CHD7: variants seen among roughly 807,000 people sequenced by gnomAD.
CHD7 encodes chromodomain helicase DNA binding protein 7, also known as ATP-dependent chromatin remodeler CHD7.
A neutral mutation model predicts 307.3 loss-of-function variants in CHD7; 24 were observed. The ratio of observed to expected loss-of-function variants is 0.08; its 90% CI spans 0.06 to 0.11. CHD7 has a LOEUF of 0.11. Among genes scored for constraint, CHD7 ranks in the 10% least tolerant of loss-of-function variants. The probability of loss-of-function intolerance (pLI) is 1.00; values close to 1 mark genes in which losing one functional copy is unlikely to be tolerated. For synonymous variants in CHD7, 1,363 were observed against 1,349.9 expected (o/e 1.01, Z -0.21); for missense variants, 3,106 against 3,727.1 (o/e 0.83, Z 4.34).
In CHD7 at chr8:60,838,262, A is replaced by G; in HGVS notation, c.4533+7A>G. ...AGGTTCCACATTTGCTAAGGTGTGA[A>G]TCGATCTAAAGAGGCCAGGTTTTCC... On this transcript the variant is annotated splice_region_variant and intron_variant, in intron 19 of 37. Coordinates refer to ENST00000423902, the MANE Select transcript of CHD7 (RefSeq NM_017780.4). 1 of 1,597,136 alleles carries G rather than the reference A, an allele frequency of 6.3e-7. No individual in the cohort carries two copies. Among genetic ancestry groups the G allele is most frequent in the Non-Finnish European group, 8.5e-7 (1 of 1,171,500 alleles).
chr8:60,708,418 C>A (rs1039816690), intron 1 of CHD7, among the ~76,000 whole-genome samples: 7 of 152,166 alleles, frequency 4.6e-5, no homozygotes, highest in Non-Finnish European at 7.4e-5. Context: ...GTGTCTACTG[C>A]CTTCTCTTCT....
chr8:60,704,919 T>A (rs1275702044), intron 1 of CHD7, among the ~76,000 whole-genome samples: 1 of 152,174 alleles, frequency 6.6e-6, no homozygotes, highest in Non-Finnish European at 1.5e-5. Flanking sequence ...TAGTCCCTTG[T>A]GTAGTGAAGG....
intron 2 of CHD7, among the ~76,000 whole-genome samples, chr8:60,747,198 C>G (rs996341210): frequency 6.6e-6 from 1 of 152,044 alleles, no homozygotes; most frequent in Non-Finnish European, 1.5e-5. Context: ...TGCTCATACT[C>G]CCTAGTAGTT....
At chr8:60,837,978 T>C in intron 18 of CHD7, 98 bp from the exon 19 acceptor site, 1 of 1,259,168 alleles carries the variant, frequency 7.9e-7, no homozygotes. Context: ...TGTTATAATT[T>C]AGGTTTACTC....
At chr8:60,718,225 C>G (rs926076350) in intron 1 of CHD7, among the ~76,000 whole-genome samples, 2 of 152,116 alleles carry the variant, frequency 1.3e-5, no homozygotes. Flanking sequence ...ACCTGTAATC[C>G]CAGCACTTTG....
chr8:60,835,678 G>T (rs1586415430), intron 15 of CHD7, among the ~76,000 whole-genome samples: 1 of 152,260 alleles, frequency 6.6e-6, no homozygotes, highest in East Asian at 1.9e-4. Flanking sequence ...TTTGTTGTTT[G>T]TGTTTATGTT....
intron 1 of CHD7, among the ~76,000 whole-genome samples, chr8:60,714,170 GCGGGCCCCCCGGGGGGCGGGGCAT>G (rs1364408797): frequency 6.6e-6 from 1 of 151,912 alleles, no homozygotes; most frequent in African/African-American, 2.4e-5. Context: ...AGGACGGCGA[GCGGGCCCCCCGGGGGGCGGGGCAT>G]CCCCTGGGCC....
At chr8:60,758,945 G>A (rs1378432459) in intron 2 of CHD7, among the ~76,000 whole-genome samples, 1 of 152,192 alleles carries the variant, frequency 6.6e-6, no homozygotes, top group Non-Finnish European at 1.5e-5. Flanking sequence ...GCCATTGCAA[G>A]AATAACAATT....
intron 24 of CHD7, 121 bp downstream of exon 24, chr8:60,848,725 C>G: frequency 1.3e-6 from 1 of 777,156 alleles, no homozygotes; most frequent in Non-Finnish European, 2.2e-6. Context: ...TTTTTTGCAT[C>G]TTGAATGCAG....
intron 1 of CHD7, among the ~76,000 whole-genome samples, chr8:60,697,422 T>C (rs1806534964): frequency 6.6e-6 from 1 of 152,184 alleles, no homozygotes; most frequent in Non-Finnish European, 1.5e-5. Context: ...TCAAACATTA[T>C]TATATCTTCT....
chr8:60,718,062 G>C (rs1351684341), intron 1 of CHD7, among the ~76,000 whole-genome samples: 1 of 152,138 alleles, frequency 6.6e-6, no homozygotes, highest in Non-Finnish European at 1.5e-5. Context: ...TGCCTGTGAT[G>C]GCCTCCGAAG....
At chr8:60,759,012 C>T (rs780753985) in intron 2 of CHD7, among the ~76,000 whole-genome samples, 2 of 152,084 alleles carry the variant, frequency 1.3e-5, no homozygotes, top group Non-Finnish European at 1.5e-5. Flanking sequence ...ATGTAAATGT[C>T]AACACAGTGA....
At chr8:60,774,838 A>G (rs1458499822) in intron 2 of CHD7, among the ~76,000 whole-genome samples, 1 of 152,204 alleles carries the variant, frequency 6.6e-6, no homozygotes, top group African/African-American at 2.4e-5. Context: ...CAATCTGACT[A>G]TAGAAACACC....
chr8:60,861,159 C>G (rs765652558), intron 35 of CHD7, 34 bp downstream of exon 35: 18 of 1,497,272 alleles, frequency 1.2e-5, no homozygotes. Context: ...TGGAAGGAAT[C>G]TTGCAGGCCG....
intron 1 of CHD7, among the ~76,000 whole-genome samples, chr8:60,728,854 A>G (rs1808301225): frequency 6.6e-6 from 1 of 152,174 alleles, no homozygotes; most frequent in Non-Finnish European, 1.5e-5. Context: ...GTACATGTGA[A>G]GGTTTGTTAC....
At chr8:60,793,976 G>A (rs1440897695) in intron 3 of CHD7, among the ~76,000 whole-genome samples, 1 of 152,140 alleles carries the variant, frequency 6.6e-6, no homozygotes, top group Non-Finnish European at 1.5e-5. Flanking sequence ...TACAAAATTA[G>A]CTGGGCATGG....
chr8:60,807,568 C>G (rs192763171), intron 6 of CHD7, among the ~76,000 whole-genome samples: 7 of 152,270 alleles, frequency 4.6e-5, no homozygotes, highest in Admixed American at 1.3e-4. Flanking sequence ...TTAACCTTAC[C>G]TAAATGTAGT....
At chr8:60,682,946 CAT>C (rs1428994679) in intron 1 of CHD7, among the ~76,000 whole-genome samples, 1 of 152,128 alleles carries the variant, frequency 6.6e-6, no homozygotes, top group Non-Finnish European at 1.5e-5. Flanking sequence ...AAAGTAAGCA[CAT>C]AGTCACATAG....
At chr8:60,812,641 C>T (rs1231921911) in intron 7 of CHD7, among the ~76,000 whole-genome samples, 4 of 135,644 alleles carry the variant, frequency 2.9e-5, no homozygotes, top group East Asian at 4.1e-4. Context: ...TCCAGCTGGG[C>T]GACAGTGTGA....
Sources: allele counts gnomAD v4.1 joint callset (sites outside exome capture counted in the v4.1 genomes callset), GRCh38; gene constraint gnomAD v4.1.1; transcripts MANE v1.5; gene names NCBI Gene and HGNC (gene_info 2026-07-23, HGNC 2026-07-21).